Variants in EEA1 observed in about 807,000 individuals in gnomAD.
EEA1 encodes the protein early endosome antigen 1.
EEA1 carries 111 observed loss-of-function variants against 209.2 expected under a neutral mutation model. The observed-to-expected ratio is 0.53, with a 90% CI of 0.45 to 0.62. The LOEUF is 0.62. Among genes scored for constraint, EEA1 ranks in the 20% least tolerant of loss-of-function variants. The probability of loss-of-function intolerance (pLI) is 0.00; values close to 1 mark genes in which losing one functional copy is unlikely to be tolerated. For missense variants in EEA1, 1,343 were observed against 1,530.8 expected, an observed-to-expected ratio of 0.88 and a Z score of 2.05; for synonymous variants, 536 against 540.6, an observed-to-expected ratio of 0.99 and a Z score of 0.12.
chr12:92,840,627 TAAAG>T (rs966442003), intron 10 of EEA1, among the ~76,000 whole-genome samples: 2 of 152,218 alleles, frequency 1.3e-5, no homozygotes, highest in African/African-American at 4.8e-5. Flanking sequence ...TGCTCATTTA[TAAAG>T]AAACAATACA....
intron 3 of EEA1, chr12:92,857,990 G>A (rs576969218): frequency 3.6e-5 from 12 of 334,200 alleles, no homozygotes; most frequent in African/African-American, 2.5e-4. Context: ...GCACTGAGTA[G>A]AATGCCGTCT....
At chr12:92,846,955 T>A (rs1408249545) in intron 9 of EEA1, among the ~76,000 whole-genome samples, 1 of 152,130 alleles carries the variant, frequency 6.6e-6, no homozygotes, top group African/African-American at 2.4e-5. Context: ...AGATTTTAAT[T>A]TTTTTTCTTT....
intron 1 of EEA1, among the ~76,000 whole-genome samples, chr12:92,915,151 C>T (rs1224341170): frequency 6.6e-6 from 1 of 152,040 alleles, no homozygotes; most frequent in East Asian, 1.9e-4. Context: ...CATCTCTCTA[C>T]ACAAAAAAGA....
chr12:92,835,592 T>C (rs1269205977), intron 10 of EEA1, among the ~76,000 whole-genome samples: 1 of 151,806 alleles, frequency 6.6e-6, no homozygotes, highest in African/African-American at 2.4e-5. Flanking sequence ...TTTGTATTTT[T>C]AGTAGAGACA....
chr12:92,884,513 G>A, intron 2 of EEA1: 3 of 1,479,846 alleles, frequency 2.0e-6, no homozygotes, highest in South Asian at 2.3e-5. Context: ...TGGAGGTGGT[G>A]GAAGCTACAA....
At chr12:92,864,694 T>C (rs1357568453) in intron 3 of EEA1, among the ~76,000 whole-genome samples, 166 bp downstream of exon 3, 5 of 152,178 alleles carry the variant, frequency 3.3e-5, no homozygotes, top group Admixed American at 3.3e-4. Flanking sequence ...TGGTCAAGGA[T>C]TGAATAGTTT....
At chr12:92,853,458 C>T (rs1877726220) in intron 6 of EEA1, among the ~76,000 whole-genome samples, 2 of 152,086 alleles carry the variant, frequency 1.3e-5, no homozygotes, top group Admixed American at 1.3e-4. Flanking sequence ...GGATTATAGG[C>T]ATGAGCCACC....
At chr12:92,819,178 G>T in intron 14 of EEA1, 130 bp downstream of exon 14, 1 of 774,884 alleles carries the variant, frequency 1.3e-6, no homozygotes, top group Non-Finnish European at 1.9e-6. Context: ...GATGCTATTT[G>T]GCAAAAAATA....
chr12:92,815,668 C>G (rs910851547), intron 15 of EEA1, among the ~76,000 whole-genome samples: 1 of 151,710 alleles, frequency 6.6e-6, no homozygotes, highest in South Asian at 2.1e-4. Context: ...TTGAGGAAGA[C>G]TGCTATATAG....
rs150332859 is a variant in EEA1 at position 92,824,820 on chromosome 12, C to A, written c.1524+1346G>T. Among the ~76,000 whole-genome samples, 12 of 152,344 alleles carry A rather than the reference C, an allele frequency of 7.9e-5. No homozygotes were observed. In the East Asian group the frequency reaches 2.1e-3, roughly 27 times the overall value. ...GATTATCCTTGCCTCTCTCACTAAGCTCCATGAGAGCAGATATTTTTGTCT... is the reference window on the plus strand; with the variant it reads ...GATTATCCTTGCCTCTCTCACTAAGATCCATGAGAGCAGATATTTTTGTCT... On this transcript the variant is annotated intron_variant, in intron 13 of 28. Coordinates refer to ENST00000322349, the MANE Select transcript of EEA1 (RefSeq NM_003566.4).
At chr12:92,852,796 G>T in intron 7 of EEA1, 116 bp downstream of exon 7, 1 of 650,728 alleles carries the variant, frequency 1.5e-6, no homozygotes, top group Non-Finnish European at 2.6e-6. Context: ...AATCACCATT[G>T]GAAGTCTATC....
At chr12:92,840,091 A>T (rs749502295) in intron 10 of EEA1, among the ~76,000 whole-genome samples, 14 of 152,096 alleles carry the variant, frequency 9.2e-5, no homozygotes, top group Non-Finnish European at 1.6e-4. Flanking sequence ...TTTATAGCTA[A>T]TTATATTTCT....
At chr12:92,794,803 C>A (rs1200819690) in intron 21 of EEA1, among the ~76,000 whole-genome samples, 1 of 151,546 alleles carries the variant, frequency 6.6e-6, no homozygotes, top group Non-Finnish European at 1.5e-5. Flanking sequence ...ATGGGTGCAG[C>A]AAACCAACAT....
intron 21 of EEA1, among the ~76,000 whole-genome samples, chr12:92,792,323 T>C (rs1874442217): frequency 6.6e-6 from 1 of 151,688 alleles, no homozygotes; most frequent in African/African-American, 2.4e-5. Context: ...TTCAAAAAAA[T>C]TCAATGAATG....
At chr12:92,900,850 G>A (rs1880114501) in intron 1 of EEA1, among the ~76,000 whole-genome samples, 1 of 151,970 alleles carries the variant, frequency 6.6e-6, no homozygotes, top group Admixed American at 6.6e-5. Flanking sequence ...TGTATTTTTA[G>A]TAGAGACAGG....
chr12:92,872,018 C>CT (rs1261878725), intron 2 of EEA1, among the ~76,000 whole-genome samples: 2 of 151,282 alleles, frequency 1.3e-5, no homozygotes, highest in Admixed American at 6.6e-5. Flanking sequence ...GTAGCTGGGA[C>CT]TACAGGCGCG....
intron 21 of EEA1, among the ~76,000 whole-genome samples, chr12:92,790,593 G>A (rs1026368986): frequency 1.3e-5 from 2 of 151,916 alleles, no homozygotes; most frequent in Non-Finnish European, 2.9e-5. Context: ...AAAAAGAAAT[G>A]AACAAAGCCT....
At chr12:92,857,223 C>T in intron 5 of EEA1, 52 bp downstream of exon 5, 1 of 1,399,054 alleles carries the variant, frequency 7.1e-7, no homozygotes, top group Non-Finnish European at 9.7e-7. Context: ...TAGTTTTCAA[C>T]AATAAAAATA....
intron 17 of EEA1, among the ~76,000 whole-genome samples, chr12:92,809,770 A>C (rs953498450): frequency 5.3e-5 from 8 of 152,248 alleles, no homozygotes; most frequent in Middle Eastern, 3.4e-3. Flanking sequence ...TTATTATCTC[A>C]GTAAAAGTTA....
Sources: gnomAD v4.1 joint callset for allele counts (sites outside exome capture counted in the v4.1 genomes callset) on GRCh38, gnomAD v4.1.1 for gene constraint, MANE v1.5 for transcripts, NCBI Gene and HGNC (gene_info 2026-07-23, HGNC 2026-07-21) for gene names.